The following TRPM7 variants were observed in gnomAD, a reference collection of about 807,000 sequenced individuals.
TRPM7 encodes the protein transient receptor potential cation channel subfamily M member 7, also known as LTRPC ion channel family member 7.
A neutral mutation model predicts 229.7 loss-of-function variants in TRPM7; 134 were observed. The ratio of observed to expected loss-of-function variants is 0.58; its 90% CI spans 0.51 to 0.67. The LOEUF is 0.67. Among genes scored for constraint, TRPM7 ranks in the 30% least tolerant of loss-of-function variants. The pLI is 0.00. For synonymous variants in TRPM7, 699 were observed against 715.2 expected, an observed-to-expected ratio of 0.98 and a Z score of 0.36; for missense variants, 1,901 against 2,210.0, an observed-to-expected ratio of 0.86 and a Z score of 2.80.
chr15:50,614,052 A>G, intron 14 of TRPM7, 71 bp downstream of exon 14: 1 of 1,444,954 alleles, frequency 6.9e-7, no homozygotes, highest in Non-Finnish European at 9.4e-7. Flanking sequence ...TCTAATGTTA[A>G]TTCTTAACAA....
chr15:50,672,344 C>T (rs140724155), intron 1 of TRPM7, among the ~76,000 whole-genome samples: 1 of 152,006 alleles, frequency 6.6e-6, no homozygotes, highest in Non-Finnish European at 1.5e-5. Context: ...GCGTGAGCCA[C>T]CTCGCCCGGC....
intron 1 of TRPM7, among the ~76,000 whole-genome samples, chr15:50,674,986 T>TA (rs999391478): frequency 6.6e-6 from 1 of 152,142 alleles, no homozygotes; most frequent in Non-Finnish European, 1.5e-5. Flanking sequence ...GTCACTCCCA[T>TA]ACTCACAGAT....
chr15:50,615,203 A>C (rs986977188), intron 13 of TRPM7, among the ~76,000 whole-genome samples: 12 of 151,438 alleles, frequency 7.9e-5, no homozygotes, highest in Admixed American at 6.6e-4. Context: ...GACAGTGGAA[A>C]TGCTAATCAG....
At chr15:50,621,049 C>T (rs563552751) in intron 12 of TRPM7, among the ~76,000 whole-genome samples, 92 of 150,118 alleles carry the variant, frequency 6.1e-4, no homozygotes, top group African/African-American at 2.0e-3. Flanking sequence ...GTCCCAGCTA[C>T]TCGGGAGGCT....
At chr15:50,650,772 G>A (rs1308901629) in intron 3 of TRPM7, among the ~76,000 whole-genome samples, 1 of 152,024 alleles carries the variant, frequency 6.6e-6, no homozygotes, top group African/African-American at 2.4e-5. Context: ...AGACCTGAAA[G>A]GATCAAACTG....
chr15:50,592,022 T>G lies in TRPM7; in HGVS notation c.4213A>C (p.Thr1405Pro). 6.2e-7 allele frequency: 1 copy of G among 1,613,556 alleles called. No homozygotes were observed. Reference sequence around the variant, plus strand: ...CTTTTGCAACTTGGCTGAGATGGTGTACTAACAAAAAATTTGGTTGGTGGG... The same window carrying G: ...CTTTTGCAACTTGGCTGAGATGGTGGACTAACAAAAAATTTGGTTGGTGGG... Reference protein sequence around the residue: ...SSPPTKFFVSTPSQPSCKSHL... With the variant: ...SSPPTKFFVSPPSQPSCKSHL... Residue 1405 changes from threonine to proline, a missense_variant, in exon 26 of 39, where the codon ACA becomes CCA. Thr to Pro is a conservative substitution (Grantham distance 38). Coordinates refer to ENST00000646667, the MANE Select transcript of TRPM7 (RefSeq NM_017672.6).
intron 35 of TRPM7, 59 bp from the exon 36 acceptor site, chr15:50,574,538 C>T (rs1249131584): frequency 7.1e-6 from 11 of 1,553,642 alleles, no homozygotes; most frequent in Non-Finnish European, 9.7e-6. Context: ...TCTAATTGAT[C>T]TACAAAATGG....
rs1185538885 is a variant in TRPM7, at chr15:50,592,461, G to A, written c.3774C>T (p.Ser1258=). The A allele has an allele frequency of 2.5e-6, 4 of 1,614,014 alleles. No individual in the cohort carries two copies. The highest frequency in any genetic ancestry group is 3.4e-6 in the Non-Finnish European group (4 of 1,180,042). Residue 1258 remains serine, a synonymous_variant, in exon 26 of 39, where the codon AGC becomes AGT. Coordinates refer to ENST00000646667, the MANE Select transcript of TRPM7 (RefSeq NM_017672.6). ...TLTAQKASEA[S]KVHNEITREL... ...CTCGTGTGATTTCATTATGAACTTT[G>A]CTAGCTTCCGACGCTTTCTGGGCAG...
chr15:50,567,819 T>C (rs952088440), intron 38 of TRPM7, among the ~76,000 whole-genome samples: 4 of 152,078 alleles, frequency 2.6e-5, no homozygotes, highest in Admixed American at 2.6e-4. Flanking sequence ...CCGGGCACGG[T>C]GGCTCATGCC....
At chr15:50,614,568 G>C (rs1226762128) in intron 13 of TRPM7, among the ~76,000 whole-genome samples, 3 of 151,688 alleles carry the variant, frequency 2.0e-5, no homozygotes, top group African/African-American at 7.3e-5. Context: ...AAGAGGCTGA[G>C]GCAGGAGAAT....
chr15:50,580,828 T>G lies in TRPM7; in HGVS notation c.4592+46A>C, dbSNP rs749880366. 17 of 1,540,792 alleles carry G rather than the reference T, an allele frequency of 1.1e-5. No individual in the cohort carries two copies. The East Asian group carries it at 3.9e-4, about 35-fold the overall frequency. ...GAGCAGGAAAAAAGACAACATTCAA[T>G]AACTATGATACTTCGCAAGCTAATG... On this transcript the variant is annotated intron_variant, in intron 30 of 38. Transcript: ENST00000646667.
chr15:50,570,903 GA>G (rs1034126514), intron 36 of TRPM7, among the ~76,000 whole-genome samples: 1 of 151,536 alleles, frequency 6.6e-6, no homozygotes, highest in Non-Finnish European at 1.5e-5. Context: ...GGATTTAAGG[GA>G]AAAAAACCAC....
intron 27 of TRPM7, among the ~76,000 whole-genome samples, chr15:50,589,288 C>T (rs2140344894): frequency 6.9e-6 from 1 of 144,934 alleles, no homozygotes; most frequent in South Asian, 2.2e-4. Flanking sequence ...CACCACTGTA[C>T]TCCAGCCCAG....
At chr15:50,595,015 G>A (rs951313799) in intron 23 of TRPM7, among the ~76,000 whole-genome samples, 1 of 151,940 alleles carries the variant, frequency 6.6e-6, no homozygotes, top group Admixed American at 6.6e-5. Context: ...ACGAGCCTGG[G>A]CACCATAGTG....
chr15:50,673,450 T>G (rs1349041225), intron 1 of TRPM7, among the ~76,000 whole-genome samples: 1 of 152,092 alleles, frequency 6.6e-6, no homozygotes, highest in Non-Finnish European at 1.5e-5. Context: ...GTCCCCAAAG[T>G]CCATTGTGTC....
In TRPM7 at chr15:50,582,876, C is replaced by G. The variant is rs1596095154; in HGVS notation, c.4557+213G>C. 1.9e-5 allele frequency: 6 copies of G among 321,274 alleles called. No homozygotes were observed. The East Asian group carries it at 3.1e-4, about 17-fold the overall frequency. 19.9% of individuals were successfully genotyped at this position (321,274 alleles called of 1,614,324 possible). A position where few individuals can be genotyped will look rare whatever the true frequency, so the allele number is the denominator to read the frequency against. On this transcript the variant is annotated intron_variant, in intron 29 of 38. Transcript: ENST00000646667. ...GCTTCAATTCAAACAAAAAGAGATTCCTGCCTTTATTCTGCATAAATTTTT... is the reference window on the plus strand; with the variant it reads ...GCTTCAATTCAAACAAAAAGAGATTGCTGCCTTTATTCTGCATAAATTTTT...
At chr15:50,631,836 A>C (rs2060745544) in intron 9 of TRPM7, among the ~76,000 whole-genome samples, 1 of 152,150 alleles carries the variant, frequency 6.6e-6, no homozygotes, top group East Asian at 1.9e-4. Context: ...ATTCCTTATC[A>C]GGGTAAATAA....
chr15:50,678,240 AAAAAAAAAAAAC>A (rs918189941), intron 1 of TRPM7, among the ~76,000 whole-genome samples: 6 of 56,840 alleles, frequency 1.1e-4, no homozygotes, highest in Non-Finnish European at 2.4e-4. Flanking sequence ...ACTCTCTCTC[AAAAAAAAAAAAC>A]AAAAACAAAA....
Position 50,631,442 on chromosome 15 carries a change from T to G in TRPM7, c.1179A>C (p.Val393=), listed in dbSNP as rs1048703741. The G allele has an allele frequency of 6.2e-7, 1 of 1,610,104 alleles. No individual in the cohort carries two copies. The highest frequency in any genetic ancestry group is 1.7e-5 in the Admixed American group (1 of 59,700). ...CTTTTAGCAGTGCAGTAAGTATTGC[T>G]ACATCTATATCTTGATGTTCATCTG... ...IGSDEHQDID[V]AILTALLKGT... Residue 393 remains valine, a synonymous_variant, in exon 10 of 39, where the codon GTA becomes GTC. Transcript: ENST00000646667.
Sources: gnomAD v4.1 joint callset for allele counts (sites outside exome capture counted in the v4.1 genomes callset) on GRCh38, gnomAD v4.1.1 for gene constraint, MANE v1.5 for transcripts, NCBI Gene and HGNC (gene_info 2026-07-23, HGNC 2026-07-21) for gene names.